The following NIPAL2 variants were observed in gnomAD, a reference collection of about 807,000 sequenced individuals.
The protein encoded by NIPAL2 is NIPA-like protein 2.
A neutral mutation model predicts 48.9 loss-of-function variants in NIPAL2; 43 were observed. The ratio of observed to expected loss-of-function variants is 0.88; its 90% CI spans 0.69 to 1.13. The LOEUF (loss-of-function observed/expected upper bound fraction) is 1.13, where lower values mean the gene tolerates loss of function less well. Among genes scored for constraint, NIPAL2 ranks in the 50% most tolerant of loss-of-function variants. NIPAL2 has a pLI of 0.00. For synonymous variants in NIPAL2, 167 were observed against 174.6 expected (o/e 0.96, Z 0.34); for missense variants, 446 against 461.4 (o/e 0.97, Z 0.31).
chr8:98,224,757 T>TTC (rs1440976582), intron 4 of NIPAL2, among the ~76,000 whole-genome samples: 229 of 137,036 alleles, frequency 1.7e-3, no homozygotes, highest in Non-Finnish European at 2.2e-3. Flanking sequence ...TTTCTTTTCT[T>TTC]TTTTTTTTTT....
chr8:98,264,500 A>G (rs1436345566), intron 1 of NIPAL2, among the ~76,000 whole-genome samples: 1 of 150,822 alleles, frequency 6.6e-6, no homozygotes, highest in Non-Finnish European at 1.5e-5. Context: ...ACAAACAGAG[A>G]GCCAAATCAT....
chr8:98,286,060 T>C (rs1292748429), intron 1 of NIPAL2, among the ~76,000 whole-genome samples: 1 of 152,214 alleles, frequency 6.6e-6, no homozygotes, highest in East Asian at 1.9e-4. Flanking sequence ...TGTCTTTGTT[T>C]CTGGAGTAGG....
chr8:98,193,053 A>G lies in NIPAL2; in HGVS notation c.1077T>C (p.His359=), dbSNP rs912474064. 3 of 1,614,060 alleles carry G rather than the reference A, an allele frequency of 1.9e-6. No individual in the cohort carries two copies. The highest frequency in any genetic ancestry group is 2.5e-6 in the Non-Finnish European group (3 of 1,179,956). ...QMLDKIQPDS[H]SLSYGTLPDG... is the part of the protein sequence containing the mutation. ...CAGGCAAAGTTCCATAGGATAAGCT[A>G]TGTGAATCTGGTTGTATTTTGTCCA... The change falls in exon 11 of 11, where the codon CAT becomes CAC. Residue 359 remains histidine (H), a synonymous_variant. Transcript: ENST00000430223.
At chr8:98,199,169 T>C (rs911524956) in intron 8 of NIPAL2, among the ~76,000 whole-genome samples, 5 of 152,104 alleles carry the variant, frequency 3.3e-5, no homozygotes, top group Non-Finnish European at 5.9e-5. Flanking sequence ...TTGGTCAGGC[T>C]GGTCTCGAAC....
intron 6 of NIPAL2, among the ~76,000 whole-genome samples, chr8:98,209,441 T>G (rs1586311752): frequency 2.4e-5 from 1 of 41,342 alleles, no homozygotes; most frequent in East Asian, 7.5e-4. Flanking sequence ...ATACCCTGTC[T>G]CTCCAAAAAA....
intron 6 of NIPAL2, 42 bp from the exon 7 acceptor site, chr8:98,205,288 A>C: frequency 6.5e-7 from 1 of 1,546,566 alleles, no homozygotes. Flanking sequence ...AACATATTTC[A>C]GATTGAATTA....
At chr8:98,285,154 C>T (rs1418813631) in intron 1 of NIPAL2, among the ~76,000 whole-genome samples, 8 of 152,136 alleles carry the variant, frequency 5.3e-5, no homozygotes, top group Admixed American at 3.3e-4. Context: ...TCTGGGGAGC[C>T]GCTCATGTGA....
At chr8:98,236,588 T>C (rs891105562) in intron 3 of NIPAL2, among the ~76,000 whole-genome samples, 1 of 151,918 alleles carries the variant, frequency 6.6e-6, no homozygotes, top group Non-Finnish European at 1.5e-5. Flanking sequence ...TGGGGCAGGG[T>C]GCAGTGGATC....
In NIPAL2 at chr8:98,266,641, G is replaced by C. The variant is rs188966120; in HGVS notation, c.136-12554C>G. On this transcript the variant is annotated intron_variant, in intron 1 of 10. Coordinates refer to ENST00000430223, the MANE Select transcript of NIPAL2 (RefSeq NM_001321635.2). ...CAATGTGCCCAGTAAGAGAATAAAT[G>C]GACCTCAAGCGGATGGGCTGATCAA... 1.6e-4 allele frequency among the ~76,000 whole-genome samples: 25 copies of C among 151,668 alleles called. No individual in the cohort carries two copies. In the East Asian group the frequency reaches 4.8e-3, roughly 29 times the overall value.
At chr8:98,285,979 CA>C (rs1816132257) in intron 1 of NIPAL2, among the ~76,000 whole-genome samples, 2 of 152,176 alleles carry the variant, frequency 1.3e-5, no homozygotes, top group Non-Finnish European at 2.9e-5. Flanking sequence ...ATCTCCAATG[CA>C]ACAGTATTGA....
At chr8:98,280,759 T>TAGAGAGAG (rs765271866) in intron 1 of NIPAL2, among the ~76,000 whole-genome samples, 687 of 31,182 alleles carry the variant, frequency 0.022, 6 homozygotes, top group Admixed American at 0.052. Flanking sequence ...TATATATATA[T>TAGAGAGAG]ATAGAGAGAG....
chr8:98,272,142 T>C (rs1238943942), intron 1 of NIPAL2, among the ~76,000 whole-genome samples: 2 of 152,188 alleles, frequency 1.3e-5, no homozygotes, highest in East Asian at 3.8e-4. Flanking sequence ...ATGAGGAAAC[T>C]GAACCTGAGA....
rs371703259 is a variant in NIPAL2, at chr8:98,252,569, C to T, written c.270G>A (p.Trp90Ter). ...HPRPYFKSVL[W>*]WGGVLLMAVG... ...CGGCCATCAGCAGGACACCACCCCA[C>T]CACAGCACACTCTTGAAGTATGGCC... is the stretch of plus-strand genomic sequence containing the variant. Residue 90 changes from tryptophan to a stop codon, truncating the protein, a stop_gained, in exon 3 of 11, where the codon TGG (tryptophan) becomes TGA (stop). Coordinates refer to ENST00000430223, the MANE Select transcript of NIPAL2 (RefSeq NM_001321635.2). LOFTEE classifies it high-confidence loss of function. The T allele has an allele frequency of 6.3e-5, 102 of 1,613,984 alleles. 1 individual carries two copies. Among genetic ancestry groups the T allele is most frequent in the Admixed American group, 8.3e-5 (5 of 59,982 alleles).
At chr8:98,218,108 T>A (rs886725054) in intron 5 of NIPAL2, among the ~76,000 whole-genome samples, 1 of 152,228 alleles carries the variant, frequency 6.6e-6, no homozygotes, top group Non-Finnish European at 1.5e-5. Context: ...AGATAGATCA[T>A]CATTAAACAA....
chr8:98,256,052 G>A (rs1047791539), intron 1 of NIPAL2, among the ~76,000 whole-genome samples: 1 of 151,372 alleles, frequency 6.6e-6, no homozygotes, highest in Non-Finnish European at 1.5e-5. Context: ...ATCTCGCTCT[G>A]TCACCCAGGC....
At chr8:98,287,042 T>C (rs1405408302) in intron 1 of NIPAL2, among the ~76,000 whole-genome samples, 1 of 151,782 alleles carries the variant, frequency 6.6e-6, no homozygotes, top group Non-Finnish European at 1.5e-5. Context: ...TATTGGAACA[T>C]AGGATGGGGA....
At chr8:98,221,553 T>G (rs1047875892) in intron 5 of NIPAL2, among the ~76,000 whole-genome samples, 2 of 152,116 alleles carry the variant, frequency 1.3e-5, no homozygotes, top group African/African-American at 4.8e-5. Context: ...AGTTTTTTTT[T>G]AAATTATTAT....
chr8:98,271,296 A>G (rs1324623128), intron 1 of NIPAL2, among the ~76,000 whole-genome samples: 1 of 152,176 alleles, frequency 6.6e-6, no homozygotes, highest in Non-Finnish European at 1.5e-5. Flanking sequence ...CAGGATAGAC[A>G]TTTCAACGAT....
chr8:98,219,169 A>G (rs1413253069), intron 5 of NIPAL2, among the ~76,000 whole-genome samples: 1 of 152,122 alleles, frequency 6.6e-6, no homozygotes, highest in Non-Finnish European at 1.5e-5. Flanking sequence ...GGTTTTTGAT[A>G]TGTTACATTT....
Sources: allele counts gnomAD v4.1 joint callset (sites outside exome capture counted in the v4.1 genomes callset), GRCh38; gene constraint gnomAD v4.1.1; transcripts MANE v1.5; gene names NCBI Gene and HGNC (gene_info 2026-07-23, HGNC 2026-07-21).